Variants in BCAR3 observed in about 807,000 individuals in gnomAD.
BCAR3 encodes the protein BCAR3 adaptor protein, NSP family member, also known as breast cancer anti-estrogen resistance protein 3.
Under a neutral mutation model 80.1 loss-of-function variants are expected in BCAR3, and 37 were observed. That is an observed-to-expected ratio of 0.46 (90% CI 0.36 to 0.61). BCAR3 has a LOEUF of 0.61. Ranked by LOEUF, BCAR3 falls within the 20% of genes least tolerant of loss-of-function variation. The probability of loss-of-function intolerance (pLI) is 0.00; values close to 1 mark genes in which losing one functional copy is unlikely to be tolerated. For missense variants in BCAR3, 978 were observed against 1,068.2 expected (o/e 0.92, Z 1.18); for synonymous variants, 389 against 418.9 (o/e 0.93, Z 0.87).
chr1:93,693,724 A>G (rs1649281673), intron 3 of BCAR3, among the ~76,000 whole-genome samples: 1 of 152,200 alleles, frequency 6.6e-6, no homozygotes, highest in African/African-American at 2.4e-5. Context: ...AAAATAGAGG[A>G]CAGGTAAGAT....
chr1:93,817,428 C>A (rs1356818580), intron 2 of BCAR3, among the ~76,000 whole-genome samples: 1 of 152,216 alleles, frequency 6.6e-6, no homozygotes, highest in Non-Finnish European at 1.5e-5. Flanking sequence ...GTTATATTAT[C>A]TCACTGTATT....
At chr1:93,646,112 T>C (rs1317292881) in intron 2 of BCAR3, among the ~76,000 whole-genome samples, 6 of 152,196 alleles carry the variant, frequency 3.9e-5, no homozygotes, top group African/African-American at 1.4e-4. Context: ...TTAAAAAATA[T>C]ATAAAAGCAC....
intron 3 of BCAR3, among the ~76,000 whole-genome samples, chr1:93,702,630 G>A (rs1213052633): frequency 2.0e-5 from 3 of 152,202 alleles, no homozygotes; most frequent in Non-Finnish European, 4.4e-5. Flanking sequence ...TCTCTCAGAG[G>A]CAGACATGAA....
upstream of BCAR3, among the ~76,000 whole-genome samples, chr1:93,683,652 G>A (rs1027025565): frequency 6.6e-6 from 1 of 152,150 alleles, no homozygotes; most frequent in Admixed American, 6.5e-5. Flanking sequence ...CTTACAAATA[G>A]GATATTGAGT....
chr1:93,705,229 T>C (rs1649792481), intron 3 of BCAR3, among the ~76,000 whole-genome samples: 2 of 152,130 alleles, frequency 1.3e-5, no homozygotes, highest in Non-Finnish European at 2.9e-5. Flanking sequence ...AGCATCTCCA[T>C]CTCGTGCATT....
intron 2 of BCAR3, among the ~76,000 whole-genome samples, chr1:93,735,538 T>G (rs1284720918): frequency 6.6e-6 from 1 of 152,200 alleles, no homozygotes; most frequent in East Asian, 1.9e-4. Flanking sequence ...CACATCAGAG[T>G]TGAGCTCAGA....
chr1:93,802,264 C>A (rs1185521116), intron 2 of BCAR3, among the ~76,000 whole-genome samples: 2 of 151,674 alleles, frequency 1.3e-5, no homozygotes, highest in African/African-American at 4.9e-5. Context: ...GAGCCATAAT[C>A]ACACCACTGC....
chr1:93,643,398 T>C (rs1278251343), intron 2 of BCAR3, among the ~76,000 whole-genome samples: 3 of 149,370 alleles, frequency 2.0e-5, no homozygotes, highest in Admixed American at 6.7e-5. Flanking sequence ...AAACAAAAAA[T>C]AGCTGGGCGT....
At chr1:93,740,658 G>T (rs1391056976) in intron 2 of BCAR3, among the ~76,000 whole-genome samples, 1 of 152,062 alleles carries the variant, frequency 6.6e-6, no homozygotes, top group Non-Finnish European at 1.5e-5. Context: ...CAAAAACCCT[G>T]ATGCATCTAG....
At position 93,673,962 on chromosome 1, in the gene BCAR3, A is replaced by C. The variant is rs189307635; in HGVS notation, c.317+652T>G. ...ACTTAAGAGAGGAAGCTGGATTTTA[A>C]AATATCCTCAAATGTTACATAATGT... On this transcript the variant is annotated intron_variant, in intron 2 of 11. Transcript: ENST00000260502. Among the ~76,000 whole-genome samples, 403 of 152,364 alleles carry C rather than the reference A, an allele frequency of 2.6e-3. 3 individuals are homozygous for C. The highest frequency in any genetic ancestry group is 9.4e-3 in the African/African-American group (391 of 41,588).
At chr1:93,756,591 T>A (rs1440358685) in intron 2 of BCAR3, among the ~76,000 whole-genome samples, 1 of 152,246 alleles carries the variant, frequency 6.6e-6, no homozygotes. Context: ...ATGTGCTAAT[T>A]TTCCAATTCC....
At chr1:93,671,811 T>C (rs1397557420) in intron 2 of BCAR3, among the ~76,000 whole-genome samples, 4 of 152,130 alleles carry the variant, frequency 2.6e-5, no homozygotes, top group Non-Finnish European at 4.4e-5. Flanking sequence ...TATAATCTTA[T>C]TAAGAATACT....
At chr1:93,789,001 C>T (rs1186983896) in intron 2 of BCAR3, among the ~76,000 whole-genome samples, 2 of 151,910 alleles carry the variant, frequency 1.3e-5, no homozygotes, top group Non-Finnish European at 2.9e-5. Flanking sequence ...TTTTCTTCCT[C>T]TATCTTTCTC....
chr1:93,626,660 T>C (rs748043569), intron 3 of BCAR3, among the ~76,000 whole-genome samples: 1 of 152,176 alleles, frequency 6.6e-6, no homozygotes, highest in Non-Finnish European at 1.5e-5. Flanking sequence ...TTGACTCCCA[T>C]TGGCTCAAAG....
intron 2 of BCAR3, among the ~76,000 whole-genome samples, chr1:93,728,290 G>C (rs1650662939): frequency 6.6e-6 from 1 of 152,234 alleles, no homozygotes. Flanking sequence ...AACCTCTAGG[G>C]GAGCACACAG....
At chr1:93,846,759 G>C (rs926339748) in intron 1 of BCAR3, 4 of 426,506 alleles carry the variant, frequency 9.4e-6, no homozygotes, top group Admixed American at 8.3e-5. Context: ...GCGCGGGCTC[G>C]GGGCAGCTGC....
intron 11 of BCAR3, among the ~76,000 whole-genome samples, chr1:93,563,691 T>TTTTTTA (rs1294196775): frequency 5.9e-5 from 9 of 152,206 alleles, no homozygotes; most frequent in African/African-American, 2.2e-4. Context: ...AGTTTTATCA[T>TTTTTTA]TTTTTATTTT....
intron 3 of BCAR3, among the ~76,000 whole-genome samples, chr1:93,631,965 C>T (rs1010445584): frequency 6.6e-6 from 1 of 152,156 alleles, no homozygotes; most frequent in Non-Finnish European, 1.5e-5. Context: ...GAGTTATCCA[C>T]GCAAGCCCCA....
At chr1:93,747,550 G>T (rs1651402246) in intron 2 of BCAR3, among the ~76,000 whole-genome samples, 2 of 151,490 alleles carry the variant, frequency 1.3e-5, no homozygotes, top group Admixed American at 1.3e-4. Context: ...CCTCCCCTGT[G>T]TCCCACCACC....
Sources: allele counts gnomAD v4.1 joint callset (sites outside exome capture counted in the v4.1 genomes callset), GRCh38; gene constraint gnomAD v4.1.1; transcripts MANE v1.5; gene names NCBI Gene and HGNC (gene_info 2026-07-23, HGNC 2026-07-21).